Variants in DNAJC21 observed in about 807,000 individuals in gnomAD.
DNAJC21 encodes the protein dnaJ homolog subfamily C member 21.
Under a neutral mutation model 72.4 loss-of-function variants are expected in DNAJC21, and 63 were observed. The observed-to-expected ratio is 0.87, with a 90% confidence interval of 0.71 to 1.07. DNAJC21 has a LOEUF of 1.07. Ranked by LOEUF, DNAJC21 falls within the 50% of genes least tolerant of loss-of-function variation. DNAJC21 has a pLI of 0.00. For synonymous variants in DNAJC21, 203 were observed against 216.7 expected (o/e 0.94, Z 0.56); for missense variants, 634 against 644.8 (o/e 0.98, Z 0.18).
rs755351969 is a variant in DNAJC21 at position 34,937,320 on chromosome 5, C to T, written c.439-6C>T. On this transcript the variant is annotated splice_polypyrimidine_tract_variant and splice_region_variant and intron_variant, in intron 4 of 11. Transcript: ENST00000648817. ...GCAGAAGTTAATCTGTTTTCTTTGT[C>T]ACTAGGTAGTCCATCCTTTCTACGC... 2 of 1,596,570 alleles carry T rather than the reference C, an allele frequency of 1.3e-6. No homozygotes were observed. The highest frequency in any genetic ancestry group is 1.7e-6 in the Non-Finnish European group (2 of 1,172,854).
Position 34,935,810 on chromosome 5 carries a change from T to C in DNAJC21, c.292T>C (p.Ser98Pro). 1 of 1,614,036 alleles carries C rather than the reference T, an allele frequency of 6.2e-7. No individual in the cohort carries two copies. Among genetic ancestry groups the C allele is most frequent in the Non-Finnish European group, 8.5e-7 (1 of 1,179,958 alleles). The change falls in exon 3 of 12, where the codon TCT (serine) becomes CCT (proline). Residue 98 changes from serine (S) to proline (P), a missense_variant. Coordinates refer to ENST00000648817, the MANE Select transcript of DNAJC21 (RefSeq NM_001012339.3). ...ACGCTATTTCACCGTTACCTGTTAT[T>C]CTGGTTATGGAGATGATGAAAAGGT... ...LLRYFTVTCYSGYGDDEKGFY... is the reference protein window; with the variant it reads ...LLRYFTVTCYPGYGDDEKGFY...
At position 34,950,360 on chromosome 5, in the gene DNAJC21, A is replaced by T. The variant is rs1379452473; in HGVS notation, c.1358+18A>T. 1 of 1,601,824 alleles carries T rather than the reference A, an allele frequency of 6.2e-7. No individual in the cohort carries two copies. Among genetic ancestry groups the T allele is most frequent in the Non-Finnish European group, 8.5e-7 (1 of 1,175,170 alleles). The stretch of plus-strand genomic sequence containing the variant: ...GCTAAAAGGTAAGTCAAAGTTGCAT[A>T]TTATTTGTAAATTACTGAATATTGA... On this transcript the variant is annotated intron_variant, in intron 10 of 11. Coordinates refer to ENST00000648817, the MANE Select transcript of DNAJC21 (RefSeq NM_001012339.3).
At chr5:34,942,730 A>G (rs1472423534) in intron 7 of DNAJC21, among the ~76,000 whole-genome samples, 1 of 152,142 alleles carries the variant, frequency 6.6e-6, no homozygotes. Context: ...TAACTTACAT[A>G]TATAGTGTTC....
intron 10 of DNAJC21, chr5:34,952,010 C>G (rs1008650756): frequency 3.0e-6 from 3 of 985,420 alleles, no homozygotes; most frequent in South Asian, 4.7e-5. Context: ...AGCACCCTCC[C>G]CACACCACTC....
chr5:34,936,021 G>T (rs1293933165), intron 3 of DNAJC21, 123 bp from the exon 4 acceptor site: 4 of 1,448,644 alleles, frequency 2.8e-6, no homozygotes, highest in Non-Finnish European at 2.8e-6. Flanking sequence ...TAAATGTATT[G>T]CAGGGACTGA....
intron 3 of DNAJC21, 126 bp from the exon 4 acceptor site, chr5:34,936,018 A>G: frequency 2.1e-6 from 3 of 1,443,922 alleles, no homozygotes; most frequent in Non-Finnish European, 2.8e-6. Flanking sequence ...ATCTAAATGT[A>G]TTGCAGGGAC....
chr5:34,937,665 CGGTGGG>C, intron 5 of DNAJC21, 35 bp downstream of exon 5: 1 of 1,578,294 alleles, frequency 6.3e-7, no homozygotes, highest in East Asian at 2.2e-5. Context: ...TTCTCAGTAT[CGGTGGG>C]GGTCAGAGGC....
At chr5:34,951,945 A>C in intron 10 of DNAJC21, 15 of 985,504 alleles carry the variant, frequency 1.5e-5, no homozygotes, top group Non-Finnish European at 1.8e-5. Context: ...CAGAGAATTC[A>C]AGTGACTTCT....
chr5:34,950,445 T>C (rs2112094986), intron 10 of DNAJC21, 103 bp downstream of exon 10: 2 of 1,467,106 alleles, frequency 1.4e-6, no homozygotes, highest in East Asian at 5.0e-5. Context: ...ACTGACCAGG[T>C]AATTTAGATG....
At position 34,929,869 on chromosome 5, in the gene DNAJC21, A is replaced by G. The variant is rs761693334; in HGVS notation, c.50A>G (p.Glu17Gly). Residue 17 changes from glutamate to glycine, a missense_variant, in exon 1 of 12, where the codon GAG becomes GGG. Coordinates refer to ENST00000648817, the MANE Select transcript of DNAJC21 (RefSeq NM_001012339.3). Reference protein sequence around the residue: ...ALGVRRDASEEELKKAYRKLA... With the variant: ...ALGVRRDASEGELKKAYRKLA... ...GGGGTGCGGCGCGACGCCAGCGAGG[A>G]GGAGCTCAAGAAGGCCTATCGGAAG... The G allele has an allele frequency of 1.6e-4, 251 of 1,573,004 alleles. 4 individuals are homozygous for G. The East Asian group carries it at 6.1e-3, about 38-fold the overall frequency.
intron 11 of DNAJC21, 46 bp from the exon 12 acceptor site, chr5:34,954,507 C>G (rs1485148163): frequency 9.7e-6 from 15 of 1,538,780 alleles, no homozygotes; most frequent in Middle Eastern, 1.7e-4. Context: ...ACACTACTTT[C>G]AAGTGATAAC....
At position 34,950,258 on chromosome 5, in the gene DNAJC21, A is replaced by G; in HGVS notation, c.1274A>G (p.Lys425Arg). Residue 425 changes from lysine (K) to arginine (R), a missense_variant, in exon 10 of 12, where the codon AAA becomes AGA. By Grantham distance (26) the Lys-to-Arg change is conservative. Coordinates refer to ENST00000648817, the MANE Select transcript of DNAJC21 (RefSeq NM_001012339.3). ...ACTAACTTAAATCAAGACAGTGCCA[A>G]AGAATTGGAAGATAGTCCCCAGGAA... Reference protein sequence around the residue: ...EDTNLNQDSAKELEDSPQENV... With the variant: ...EDTNLNQDSARELEDSPQENV... The G allele has an allele frequency of 3.1e-6, 5 of 1,613,978 alleles. No individual in the cohort carries two copies. Among genetic ancestry groups the G allele is most frequent in the Non-Finnish European group, 4.2e-6 (5 of 1,179,938 alleles).
intron 8 of DNAJC21, 113 bp downstream of exon 8, chr5:34,945,138 C>T (rs1190474614): frequency 2.7e-5 from 35 of 1,303,694 alleles, no homozygotes; most frequent in Middle Eastern, 2.7e-4. Flanking sequence ...GGTGCAGTGG[C>T]GCAGTCTCAG....
rs760567674 is a variant in DNAJC21 at position 34,950,149 on chromosome 5, C to T, written c.1186-21C>T. 7 of 1,583,968 alleles carry T rather than the reference C, an allele frequency of 4.4e-6. No individual in the cohort carries two copies. In the East Asian group the frequency reaches 1.3e-4, roughly 31 times the overall value. ...TAGTATTATATTTATTTTGTAACGG[C>T]ACATATGTTTTATTACCTAGAATTA... On this transcript the variant is annotated intron_variant, in intron 9 of 11. Transcript: ENST00000648817.
At chr5:34,949,453 G>A in intron 9 of DNAJC21, 5 of 1,528,246 alleles carry the variant, frequency 3.3e-6, no homozygotes, top group Non-Finnish European at 4.4e-6. Context: ...AGGAGTAATT[G>A]GTAAATTTGA....
chr5:34,947,768 G>T (rs1461915424), intron 9 of DNAJC21, among the ~76,000 whole-genome samples: 1 of 149,308 alleles, frequency 6.7e-6, no homozygotes, highest in Admixed American at 6.8e-5. Context: ...GCCGTATTCT[G>T]TTCTGTTATC....
At chr5:34,940,364 G>C (rs1764946510) in intron 6 of DNAJC21, among the ~76,000 whole-genome samples, 1 of 152,112 alleles carries the variant, frequency 6.6e-6, no homozygotes, top group African/African-American at 2.4e-5. Context: ...TGATTTCAAT[G>C]AGACAGTCCT....
At chr5:34,932,767 C>G (rs1355842789) in intron 1 of DNAJC21, among the ~76,000 whole-genome samples, 7 of 152,244 alleles carry the variant, frequency 4.6e-5, no homozygotes. Flanking sequence ...TGAGCTTCTC[C>G]AGCTTCTCCA....
chr5:34,940,174 T>C (rs116701574), intron 6 of DNAJC21, among the ~76,000 whole-genome samples: 1 of 152,232 alleles, frequency 6.6e-6, no homozygotes, highest in Non-Finnish European at 1.5e-5. Context: ...CTATGAGATG[T>C]GCCTGAGAAT....
Sources: gnomAD v4.1 joint callset for allele counts (sites outside exome capture counted in the v4.1 genomes callset) on GRCh38, gnomAD v4.1.1 for gene constraint, MANE v1.5 for transcripts, NCBI Gene and HGNC (gene_info 2026-07-23, HGNC 2026-07-21) for gene names.